LAMA3: variants seen among roughly 807,000 people sequenced by gnomAD.
LAMA3 encodes the protein laminin subunit alpha 3.
In LAMA3, 281 loss-of-function variants were observed where a neutral mutation model predicts 402.0. That is an observed-to-expected ratio of 0.70 (90% CI 0.63 to 0.77). The LOEUF (loss-of-function observed/expected upper bound fraction) is 0.77, where lower values mean the gene tolerates loss of function less well. Ranked by LOEUF, LAMA3 falls within the 30% of genes least tolerant of loss-of-function variation. The pLI, the probability that LAMA3 is intolerant of heterozygous loss-of-function variation, is 0.00. For synonymous variants in LAMA3, 1,431 were observed against 1,558.4 expected (o/e 0.92, Z 1.93); for missense variants, 3,840 against 4,215.5 (o/e 0.91, Z 2.47).
chr18:23,722,048 T>C (rs2061223992), intron 2 of LAMA3, among the ~76,000 whole-genome samples: 1 of 152,232 alleles, frequency 6.6e-6, no homozygotes. Context: ...CATACGCTCC[T>C]TCAGTCTAGC....
rs767426566 is a variant in LAMA3, at chr18:23,842,407, C to G, written c.3349C>G (p.Leu1117Val). The G allele has an allele frequency of 6.2e-6, 10 of 1,614,042 alleles. No individual in the cohort carries two copies. The South Asian group carries it at 1.1e-4, about 18-fold the overall frequency. ...TLKAPQNQVT[L>V]RGRVPHLGRY... ...TTTTTCCTCTTAGAATCAAGTGACC[C>G]TGAGAGGACGTGTACCACACCTGGG... The change falls in exon 28 of 75, where the codon CTG becomes GTG. Residue 1117 changes from leucine (L) to valine (V), a missense_variant. Leu to Val is a conservative substitution (Grantham distance 32, BLOSUM62 1). Coordinates refer to ENST00000313654, the MANE Select transcript of LAMA3 (RefSeq NM_198129.4).
At chr18:23,950,503 G>A (rs894627484) in intron 72 of LAMA3, among the ~76,000 whole-genome samples, 6 of 152,024 alleles carry the variant, frequency 3.9e-5, no homozygotes, top group African/African-American at 7.2e-5. Flanking sequence ...TATAGAAATC[G>A]CCATATACTC....
intron 2 of LAMA3, among the ~76,000 whole-genome samples, chr18:23,734,817 G>T (rs2061447111): frequency 6.6e-6 from 1 of 152,198 alleles, no homozygotes; most frequent in South Asian, 2.1e-4. Flanking sequence ...GCCAAGAAAA[G>T]AAGAAGCCAG....
intron 31 of LAMA3, among the ~76,000 whole-genome samples, chr18:23,847,027 G>A (rs1159154235): frequency 6.6e-6 from 1 of 152,234 alleles, no homozygotes; most frequent in African/African-American, 2.4e-5. Context: ...GAGAAATGCA[G>A]TGTGCAGAGT....
chr18:23,894,806 G>T, intron 43 of LAMA3, 101 bp from the exon 44 acceptor site: 1 of 1,472,256 alleles, frequency 6.8e-7, no homozygotes, highest in Non-Finnish European at 9.5e-7. Flanking sequence ...CACCCGTGAC[G>T]ATCTGCGTGC....
chr18:23,708,492 T>C (rs925779855), intron 1 of LAMA3, among the ~76,000 whole-genome samples: 1 of 152,194 alleles, frequency 6.6e-6, no homozygotes, highest in African/African-American at 2.4e-5. Context: ...TAACTCTCCA[T>C]TTATGTAGAT....
At chr18:23,759,919 G>C (rs954281930) in intron 7 of LAMA3, among the ~76,000 whole-genome samples, 1 of 152,132 alleles carries the variant, frequency 6.6e-6, no homozygotes, top group African/African-American at 2.4e-5. Flanking sequence ...CAGCTAATCG[G>C]TTCCTTCTCA....
intron 41 of LAMA3, among the ~76,000 whole-genome samples, chr18:23,888,066 T>C (rs1354964986): frequency 6.6e-6 from 1 of 152,250 alleles, no homozygotes; most frequent in Non-Finnish European, 1.5e-5. Context: ...GAAGTTTAGA[T>C]GTAGGTAAGA....
In LAMA3 at chr18:23,864,826, CT is replaced by C; in HGVS notation, c.4629del (p.Phe1543LeufsTer64). ...GTTACCTCACTTACCAAGCCAAGTC[CT>C]TTGGCTTGCCTGGCGACATGGTTCT... ...GGYLTYQAKSFGLPGDMVLLE... is the reference protein window; with the variant it reads ...GGYLTYQAKSXGLPGDMVLLE... On this transcript the variant is annotated frameshift_variant, in exon 36 of 75. Transcript: ENST00000313654. LOFTEE classifies it high-confidence loss of function. 1 of 1,613,590 alleles carries C rather than the reference CT, an allele frequency of 6.2e-7. No homozygotes were observed. Among genetic ancestry groups the C allele is most frequent in the East Asian group, 2.2e-5 (1 of 44,868 alleles).
chr18:23,914,838 G>C lies in LAMA3; in HGVS notation c.7622G>C (p.Gly2541Ala). ...LDPENVVFYV[G>A]GYPPDFKLPS... Reference sequence around the variant, plus strand: ...CCTGAAAATGTTGTATTTTATGTTGGAGGTTACCCACCTGATTTTAAAGTA... The same window carrying C: ...CCTGAAAATGTTGTATTTTATGTTGCAGGTTACCCACCTGATTTTAAAGTA... The change falls in exon 58 of 75, where the codon GGA becomes GCA. Residue 2541 changes from glycine to alanine, a missense_variant. This residue lies in a region of LAMA3 where 840 missense variants were observed against 981.9 expected (regional missense o/e 0.86). Coordinates refer to ENST00000313654, the MANE Select transcript of LAMA3 (RefSeq NM_198129.4). 1 of 1,612,710 alleles carries C rather than the reference G, an allele frequency of 6.2e-7. No individual in the cohort carries two copies. Among genetic ancestry groups the C allele is most frequent in the Non-Finnish European group, 8.5e-7 (1 of 1,178,840 alleles).
intron 41 of LAMA3, among the ~76,000 whole-genome samples, chr18:23,888,444 A>C (rs564745609): frequency 1.3e-5 from 2 of 152,342 alleles, no homozygotes; most frequent in Non-Finnish European, 2.9e-5. Flanking sequence ...TCATTCAACA[A>C]ATGAATGAAT....
rs1000501019 is a variant in LAMA3 at position 23,931,884 on chromosome 18, C to T, written c.8577-276C>T. ...TGTTGCAAAAATTCGTTGAGCTGAA[C>T]ACTTATAGCCTGTGCACTTTCTGTA... is the stretch of plus-strand genomic sequence containing the variant. On this transcript the variant is annotated intron_variant, in intron 65 of 74. Transcript: ENST00000313654. Among the ~76,000 whole-genome samples the T allele has an allele frequency of 3.3e-5, 5 of 152,360 alleles. No homozygotes were observed. The South Asian group carries it at 8.3e-4, about 25-fold the overall frequency.
chr18:23,824,804 AT>A (rs1340751474), intron 21 of LAMA3, among the ~76,000 whole-genome samples: 3 of 152,236 alleles, frequency 2.0e-5, no homozygotes, highest in Non-Finnish European at 4.4e-5. Flanking sequence ...GACAAAAAAA[AT>A]AAAAGATAAA....
chr18:23,749,320 G>GT (rs2061703930), intron 3 of LAMA3, 108 bp from the exon 4 acceptor site: 2 of 683,512 alleles, frequency 2.9e-6, no homozygotes, highest in Non-Finnish European at 5.0e-6. Context: ...ATGCCTTTCT[G>GT]TTTTTTCTTT....
At chr18:23,816,562 C>A in intron 18 of LAMA3, 75 bp downstream of exon 18, 1 of 1,222,566 alleles carries the variant, frequency 8.2e-7, no homozygotes, top group Non-Finnish European at 1.2e-6. Context: ...TGTGCTACAG[C>A]TCTGGAGAAG....
intron 67 of LAMA3, among the ~76,000 whole-genome samples, chr18:23,935,707 A>C (rs2082293206): frequency 6.6e-6 from 1 of 152,194 alleles, no homozygotes; most frequent in Non-Finnish European, 1.5e-5. Flanking sequence ...GATTAAATGA[A>C]GTAATAAACA....
rs750324789 is a variant in LAMA3 at position 23,689,845 on chromosome 18, G to A, written c.162G>A (p.Leu54=). 3.9e-6 allele frequency: 6 copies of A among 1,553,432 alleles called. No individual in the cohort carries two copies. The East Asian group carries it at 1.5e-4, about 38-fold the overall frequency. Residue 54 remains leucine (L), a synonymous_variant, in exon 1 of 75, where the codon CTG becomes CTA. Coordinates refer to ENST00000313654, the MANE Select transcript of LAMA3 (RefSeq NM_198129.4). ...GCCTTCACCCGACTTACTTCAACCT[G>A]GCCGAGGCGGCGAGGATTTGGGCCA... ...GLSLHPTYFN[L]AEAARIWATA... is the part of the protein sequence containing the mutation.
intron 9 of LAMA3, 98 bp from the exon 10 acceptor site, chr18:23,775,694 G>A: frequency 7.3e-7 from 1 of 1,370,374 alleles, no homozygotes; most frequent in Non-Finnish European, 1.0e-6. Context: ...TATAGACCAA[G>A]GATCAAGTAT....
intron 60 of LAMA3, among the ~76,000 whole-genome samples, chr18:23,917,230 A>G (rs1599093046): frequency 6.6e-6 from 1 of 152,166 alleles, no homozygotes; most frequent in Non-Finnish European, 1.5e-5. Context: ...GTAGTATTCC[A>G]TGGTGTATAT....
Sources: gnomAD v4.1 joint callset for allele counts (sites outside exome capture counted in the v4.1 genomes callset) on GRCh38, gnomAD v4.1.1 for gene constraint, gnomAD v4.1.1 regional missense constraint, MANE v1.5 for transcripts, NCBI Gene and HGNC (gene_info 2026-07-23, HGNC 2026-07-21) for gene names.